Variants in RIT2 observed in about 807,000 individuals in gnomAD.
RIT2 encodes the protein GTP-binding protein Rit2.
Under a neutral mutation model 23.7 loss-of-function variants are expected in RIT2, and 24 were observed. The observed-to-expected ratio is 1.01, with a 90% confidence interval of 0.73 to 1.43. The LOEUF (loss-of-function observed/expected upper bound fraction) is 1.43, where lower values mean the gene tolerates loss of function less well. Among genes scored for constraint, RIT2 ranks in the 40% most tolerant of loss-of-function variants. The pLI, the probability that RIT2 is intolerant of heterozygous loss-of-function variation, is 0.00. For synonymous variants in RIT2, 107 were observed against 91.1 expected (o/e 1.17, Z -0.99); for missense variants, 236 against 266.9 (o/e 0.88, Z 0.81).
intron 4 of RIT2, among the ~76,000 whole-genome samples, chr18:42,848,592 A>G (rs1249920508): frequency 6.6e-6 from 1 of 152,170 alleles, no homozygotes; most frequent in Non-Finnish European, 1.5e-5. Flanking sequence ...TCATAATTTA[A>G]TTTACAGAGA....
At chr18:43,109,155 C>T (rs1913896437) in intron 1 of RIT2, among the ~76,000 whole-genome samples, 1 of 152,188 alleles carries the variant, frequency 6.6e-6, no homozygotes. Context: ...ACTGCTTTCT[C>T]TTTATAAAAT....
At chr18:42,750,937 G>A (rs944710274) in intron 4 of RIT2, among the ~76,000 whole-genome samples, 7 of 151,784 alleles carry the variant, frequency 4.6e-5, no homozygotes, top group Admixed American at 3.3e-4. Context: ...ATAAGAAGGA[G>A]GTAGGAAGAA....
chr18:42,803,078 T>C (rs1185683050), intron 4 of RIT2, among the ~76,000 whole-genome samples: 1 of 152,204 alleles, frequency 6.6e-6, no homozygotes, highest in Non-Finnish European at 1.5e-5. Context: ...TTCATTCACA[T>C]ATAATTTTAA....
intron 4 of RIT2, among the ~76,000 whole-genome samples, chr18:42,798,942 T>A (rs1254866130): frequency 6.6e-6 from 1 of 152,204 alleles, no homozygotes; most frequent in African/African-American, 2.4e-5. Flanking sequence ...TTTTCACAGG[T>A]CTTTAATCAT....
intron 4 of RIT2, among the ~76,000 whole-genome samples, chr18:42,916,529 A>G (rs915995988): frequency 2.3e-4 from 35 of 152,156 alleles, no homozygotes; most frequent in Non-Finnish European, 4.3e-4. Context: ...CTATATCAGA[A>G]AGCTCCCTGG....
intron 4 of RIT2, among the ~76,000 whole-genome samples, chr18:42,749,061 T>C (rs1912984148): frequency 6.6e-6 from 1 of 151,960 alleles, no homozygotes; most frequent in Admixed American, 6.6e-5. Flanking sequence ...TCAAGTTAAC[T>C]TGGAACATTT....
At chr18:43,005,472 A>C (rs1911205909) in intron 2 of RIT2, among the ~76,000 whole-genome samples, 1 of 151,828 alleles carries the variant, frequency 6.6e-6, no homozygotes, top group African/African-American at 2.4e-5. Context: ...AAACACTATT[A>C]ACAACAAATG....
At chr18:42,845,712 A>G (rs1280218049) in intron 4 of RIT2, among the ~76,000 whole-genome samples, 3 of 151,062 alleles carry the variant, frequency 2.0e-5, no homozygotes, top group African/African-American at 7.2e-5. Context: ...ATATTGTCTC[A>G]CAAATGTGCA....
Position 42,764,026 on chromosome 18 carries a change from T to C in RIT2, c.427-20306A>G, listed in dbSNP as rs1484905327. Among the ~76,000 whole-genome samples the C allele has an allele frequency of 2.0e-5, 3 of 152,106 alleles. No homozygotes were observed. In the East Asian group the frequency reaches 5.8e-4, roughly 29 times the overall value. On this transcript the variant is annotated intron_variant, in intron 4 of 4. Coordinates refer to ENST00000326695, the MANE Select transcript of RIT2 (RefSeq NM_002930.4). ...AATGTTGTTATGCAGCACATGACTG[T>C]ATATCTGTTTTTCTGGGTATAAGGT...
chr18:42,758,680 ATTTTTTTTTTT>A (rs11371811), intron 4 of RIT2, among the ~76,000 whole-genome samples: 1 of 139,844 alleles, frequency 7.2e-6, no homozygotes, highest in Non-Finnish European at 1.5e-5. Context: ...CACCCGGCTA[ATTTTTTTTTTT>A]TTTTTGTATT....
intron 2 of RIT2, among the ~76,000 whole-genome samples, chr18:43,008,734 G>T (rs988053552): frequency 6.6e-6 from 1 of 151,466 alleles, no homozygotes; most frequent in African/African-American, 2.4e-5. Context: ...ACTTGGGATA[G>T]CTTAGTATAA....
At chr18:43,051,253 T>A (rs144474039) in intron 1 of RIT2, among the ~76,000 whole-genome samples, 2 of 152,250 alleles carry the variant, frequency 1.3e-5, no homozygotes, top group African/African-American at 4.8e-5. Context: ...TAATGATTGC[T>A]GTTGTGGTAG....
intron 1 of RIT2, among the ~76,000 whole-genome samples, chr18:43,112,782 A>T (rs1323968901): frequency 6.6e-6 from 1 of 152,106 alleles, no homozygotes; most frequent in Non-Finnish European, 1.5e-5. Flanking sequence ...TATACATAAA[A>T]AATCTCCAAG....
At chr18:42,951,754 C>T (rs1205803009) in intron 3 of RIT2, among the ~76,000 whole-genome samples, 1 of 152,026 alleles carries the variant, frequency 6.6e-6, no homozygotes, top group African/African-American at 2.4e-5. Context: ...AATAATGCTT[C>T]AACTAAATGT....
chr18:42,790,272 C>T (rs530274922), intron 4 of RIT2, among the ~76,000 whole-genome samples: 3 of 152,224 alleles, frequency 2.0e-5, no homozygotes, highest in South Asian at 2.1e-4. Flanking sequence ...CTAATCTTTC[C>T]TCTTGTGTTT....
At chr18:42,918,764 A>T (rs891814067) in intron 4 of RIT2, among the ~76,000 whole-genome samples, 1 of 152,110 alleles carries the variant, frequency 6.6e-6, no homozygotes, top group African/African-American at 2.4e-5. Flanking sequence ...CAAGTTTCCC[A>T]GTGATCACTC....
intron 3 of RIT2, among the ~76,000 whole-genome samples, chr18:42,967,745 C>A (rs1483268471): frequency 6.6e-6 from 1 of 151,044 alleles, no homozygotes; most frequent in East Asian, 1.9e-4. Context: ...AAATCCAAAT[C>A]ATAATTCTTA....
chr18:43,011,311 C>T (rs1911345347), intron 2 of RIT2, among the ~76,000 whole-genome samples: 1 of 151,644 alleles, frequency 6.6e-6, no homozygotes. Context: ...GCAGGAGCTG[C>T]ATCATGCAAC....
Position 42,807,237 on chromosome 18 carries a change from G to A in RIT2, c.427-63517C>T, listed in dbSNP as rs1223726517. Reference sequence around the variant, plus strand: ...CAAGACATGGACCTTAGACTCCTCTGTTTTCTTGGTGAATAGGTCACTCAT... The same window carrying A: ...CAAGACATGGACCTTAGACTCCTCTATTTTCTTGGTGAATAGGTCACTCAT... On this transcript the variant is annotated intron_variant, in intron 4 of 4. Coordinates refer to ENST00000326695, the MANE Select transcript of RIT2 (RefSeq NM_002930.4). Among the ~76,000 whole-genome samples the A allele has an allele frequency of 2.6e-5, 4 of 152,054 alleles. No homozygotes were observed. The East Asian group carries it at 5.8e-4, about 22-fold the overall frequency.
Sources: gnomAD v4.1 joint callset for allele counts (sites outside exome capture counted in the v4.1 genomes callset) on GRCh38, gnomAD v4.1.1 for gene constraint, MANE v1.5 for transcripts, NCBI Gene and HGNC (gene_info 2026-07-23, HGNC 2026-07-21) for gene names.